SCTR: variants seen among roughly 807,000 people sequenced by gnomAD.
The protein encoded by SCTR is secretin receptor, also known as pancreatic secretin receptor.
SCTR carries 56 observed loss-of-function variants against 60.8 expected under a neutral mutation model. The observed-to-expected ratio is 0.92, with a 90% CI of 0.74 to 1.15. The LOEUF is 1.15. SCTR is among the 50% of genes most tolerant of loss of function. The pLI is 0.00. For missense variants in SCTR, 562 were observed against 550.4 expected (o/e 1.02, Z -0.21); for synonymous variants, 202 against 217.0 (o/e 0.93, Z 0.61).
chr2:119,456,932 C>T lies in SCTR; in HGVS notation c.791-3585G>A, dbSNP rs563519662. The stretch of plus-strand genomic sequence containing the variant: ...AATGCCAAGCATTGCCAGCCACCAC[C>T]AGAAGGTAGGAAAGAGATATGGGAG... On this transcript the variant is annotated intron_variant, in intron 7 of 12. Transcript: ENST00000019103. Among the ~76,000 whole-genome samples, 149 of 152,274 alleles carry T rather than the reference C, an allele frequency of 9.8e-4. 1 individual carries two copies. The highest frequency in any genetic ancestry group is 1.6e-3 in the Non-Finnish European group (112 of 68,014).
At chr2:119,484,126 C>T (rs529588530) in intron 2 of SCTR, among the ~76,000 whole-genome samples, 9 of 152,124 alleles carry the variant, frequency 5.9e-5, no homozygotes, top group South Asian at 4.2e-4. Flanking sequence ...TGGGGGTAAG[C>T]GGCATTCATT....
intron 9 of SCTR, among the ~76,000 whole-genome samples, chr2:119,450,055 AAAG>A (rs1683094508): frequency 7.3e-6 from 1 of 137,048 alleles, no homozygotes; most frequent in Non-Finnish European, 1.5e-5. Context: ...AAGAAAAAAG[AAAG>A]AAAAAGAAAG....
At chr2:119,485,577 G>A (rs1402085787) in intron 2 of SCTR, among the ~76,000 whole-genome samples, 1 of 152,244 alleles carries the variant, frequency 6.6e-6, no homozygotes, top group Non-Finnish European at 1.5e-5. Context: ...TCAGGCTGCA[G>A]TGGCAGGGGG....
chr2:119,501,056 G>T (rs189276045), intron 1 of SCTR, among the ~76,000 whole-genome samples: 2 of 152,210 alleles, frequency 1.3e-5, no homozygotes, highest in African/African-American at 4.8e-5. Context: ...AAAAAGAAAA[G>T]AAGTAAGCCA....
intron 2 of SCTR, chr2:119,479,119 C>G: frequency 7.3e-7 from 1 of 1,362,260 alleles, no homozygotes; most frequent in East Asian, 2.9e-5. Context: ...CACGGTAGTG[C>G]TCAGTGTTGA....
intron 3 of SCTR, among the ~76,000 whole-genome samples, chr2:119,475,657 GATATTT>G (rs945719042): frequency 1.4e-4 from 21 of 145,462 alleles, no homozygotes; most frequent in African/African-American, 3.8e-4. Context: ...AATATAAATA[GATATTT>G]ATATTTATAT....
At chr2:119,455,105 A>G (rs1310270520) in intron 7 of SCTR, among the ~76,000 whole-genome samples, 3 of 152,124 alleles carry the variant, frequency 2.0e-5, no homozygotes, top group African/African-American at 7.2e-5. Context: ...GCTGAATGGT[A>G]AAAGCCCTGG....
rs1558848240 is a variant in SCTR at position 119,464,124 on chromosome 2, C to T, written c.635G>A (p.Arg212Lys). ...TCCTGGGGCACCCAGACATATTACCCTGTGGGCATCGCAGTAGGTGACATC... is the reference window on the plus strand; with the variant it reads ...TCCTGGGGCACCCAGACATATTACCTTGTGGGCATCGCAGTAGGTGACATC... ...SDDVTYCDAH[R>K]AGCKLVMVLF... The change falls in exon 6 of 13, where the codon AGG (arginine) becomes AAG (lysine). Residue 212 changes from arginine to lysine, a missense_variant and splice_region_variant. Arg to Lys is a conservative substitution (Grantham distance 26, BLOSUM62 2). Coordinates refer to ENST00000019103, the MANE Select transcript of SCTR (RefSeq NM_002980.3). The T allele has an allele frequency of 1.2e-6, 2 of 1,614,152 alleles. No individual in the cohort carries two copies. Among genetic ancestry groups the T allele is most frequent in the Non-Finnish European group, 1.7e-6 (2 of 1,180,032 alleles).
chr2:119,521,827 G>A (rs1229726222), intron 1 of SCTR, among the ~76,000 whole-genome samples: 1 of 152,044 alleles, frequency 6.6e-6, no homozygotes, highest in African/African-American at 2.4e-5. Context: ...GGGCTCCAGA[G>A]GCTGGGAAAT....
chr2:119,499,289 C>T (rs536840053), intron 1 of SCTR, among the ~76,000 whole-genome samples: 5 of 152,164 alleles, frequency 3.3e-5, no homozygotes, highest in East Asian at 1.9e-4. Context: ...GGAGACTACA[C>T]ACTCTTCTCT....
chr2:119,469,214 C>A (rs555049127), intron 4 of SCTR, among the ~76,000 whole-genome samples: 1 of 152,120 alleles, frequency 6.6e-6, no homozygotes. Context: ...CATATAATCT[C>A]GCCATGTACA....
intron 10 of SCTR, among the ~76,000 whole-genome samples, 156 bp from the exon 11 acceptor site, chr2:119,447,041 G>A (rs6748349): frequency 0.89 from 135,832 of 152,082 alleles, 60,855 homozygotes; most frequent in African/African-American, 0.96. Flanking sequence ...TATTTTGAAA[G>A]TTTCTAACTC....
chr2:119,440,611 TGAG>T (rs1451027690), intron 12 of SCTR, among the ~76,000 whole-genome samples: 2 of 152,206 alleles, frequency 1.3e-5, no homozygotes, highest in African/African-American at 2.4e-5. Context: ...AGCCAGAGGC[TGAG>T]TTCTCTGAAG....
intron 1 of SCTR, among the ~76,000 whole-genome samples, chr2:119,518,846 T>C (rs888548502): frequency 6.6e-6 from 1 of 152,262 alleles, no homozygotes; most frequent in Non-Finnish European, 1.5e-5. Context: ...AGAGAGGCTA[T>C]GTCCTCCCTT....
intron 9 of SCTR, 132 bp downstream of exon 9, chr2:119,451,878 C>G: frequency 1.5e-6 from 1 of 646,356 alleles, no homozygotes; most frequent in South Asian, 1.8e-5. Flanking sequence ...GCTCACCAAC[C>G]TCACAAACAC....
chr2:119,504,373 A>C (rs751975545), intron 1 of SCTR, among the ~76,000 whole-genome samples: 1 of 152,140 alleles, frequency 6.6e-6, no homozygotes, highest in Non-Finnish European at 1.5e-5. Flanking sequence ...CAGGCGGATC[A>C]CCTGGGATCG....
chr2:119,464,408 A>G (rs2579647), intron 5 of SCTR, among the ~76,000 whole-genome samples, 153 bp from the exon 6 acceptor site: 1 of 150,802 alleles, frequency 6.6e-6, no homozygotes, highest in African/African-American at 2.4e-5. Context: ...TGAATGAGGA[A>G]CTGGGTCTCC....
chr2:119,495,072 C>T (rs1254059171), intron 1 of SCTR, among the ~76,000 whole-genome samples: 2 of 152,068 alleles, frequency 1.3e-5, no homozygotes, highest in African/African-American at 4.8e-5. Flanking sequence ...GCAGCTAGGA[C>T]TACAGGCCAG....
chr2:119,449,460 A>G (rs192033678), intron 9 of SCTR, among the ~76,000 whole-genome samples: 18 of 152,320 alleles, frequency 1.2e-4, no homozygotes, highest in African/African-American at 3.1e-4. Context: ...ATATCTTAAA[A>G]GGTCAAATGC....
Sources: allele counts gnomAD v4.1 joint callset (sites outside exome capture counted in the v4.1 genomes callset), GRCh38; gene constraint gnomAD v4.1.1; transcripts MANE v1.5; gene names NCBI Gene and HGNC (gene_info 2026-07-23, HGNC 2026-07-21).